Variants in PALLD observed in about 807,000 individuals in gnomAD.
PALLD encodes palladin.
Under a neutral mutation model 123.5 loss-of-function variants are expected in PALLD, and 61 were observed. The observed-to-expected ratio is 0.49, with a 90% CI of 0.40 to 0.61. The LOEUF is 0.61. Ranked by LOEUF, PALLD falls within the 20% of genes least tolerant of loss-of-function variation. The pLI is 0.00. For missense variants in PALLD, 1,273 were observed against 1,377.0 expected (o/e 0.92, Z 1.20); for synonymous variants, 465 against 496.4 (o/e 0.94, Z 0.84).
At chr4:168,744,068 T>C (rs7662403) in intron 10 of PALLD, among the ~76,000 whole-genome samples, 85,692 of 151,892 alleles carry the variant, frequency 0.56, 24,606 homozygotes, top group African/African-American at 0.67. Flanking sequence ...AAACAGATGC[T>C]AGAAGCCAGT....
intron 10 of PALLD, among the ~76,000 whole-genome samples, chr4:168,841,325 T>A (rs1167992586): frequency 1.3e-5 from 2 of 152,180 alleles, no homozygotes; most frequent in Non-Finnish European, 2.9e-5. Flanking sequence ...ACTGCAGAAT[T>A]TTCCAAAAGC....
intron 18 of PALLD, among the ~76,000 whole-genome samples, chr4:168,923,436 CA>C (rs1182648433): frequency 6.6e-6 from 1 of 152,120 alleles, no homozygotes; most frequent in Non-Finnish European, 1.5e-5. Flanking sequence ...GTTGGTAGTT[CA>C]AAAGAAAATA....
intron 18 of PALLD, 143 bp downstream of exon 18, chr4:168,921,884 G>C: frequency 1.4e-6 from 1 of 740,270 alleles, no homozygotes; most frequent in Non-Finnish European, 2.4e-6. Context: ...ATGAGGACAT[G>C]GTTATAAGGC....
chr4:168,914,812 G>A (rs1759770781), intron 16 of PALLD, among the ~76,000 whole-genome samples: 1 of 152,176 alleles, frequency 6.6e-6, no homozygotes, highest in Non-Finnish European at 1.5e-5. Flanking sequence ...GAGTAGGCAG[G>A]AAAACTGAGT....
At chr4:168,618,855 C>T (rs1325038430) in intron 2 of PALLD, among the ~76,000 whole-genome samples, 1 of 152,198 alleles carries the variant, frequency 6.6e-6, no homozygotes, top group African/African-American at 2.4e-5. Flanking sequence ...ACTGGCGTCA[C>T]CGATTAGGTC....
At chr4:168,655,559 G>A (rs1351513255) in intron 2 of PALLD, among the ~76,000 whole-genome samples, 1 of 152,170 alleles carries the variant, frequency 6.6e-6, no homozygotes, top group African/African-American at 2.4e-5. Context: ...CTCTGTGGAG[G>A]GAGCCTCAAC....
intron 2 of PALLD, among the ~76,000 whole-genome samples, chr4:168,554,074 G>C (rs1767023130): frequency 6.6e-6 from 1 of 152,188 alleles, no homozygotes; most frequent in African/African-American, 2.4e-5. Flanking sequence ...CTGGCACACA[G>C]GGAACTATCA....
In PALLD at chr4:168,511,595, T is replaced by G; in HGVS notation, c.91T>G (p.Ser31Ala). The stretch of plus-strand genomic sequence containing the variant: ...GAATACTGACTTCTTCCCGGGCCTT[T>G]CTGCTTTCCTCAGCCAGGAAGAGAT... ...SKNTDFFPGL[S>A]AFLSQEEINK... is the part of the protein sequence containing the mutation. Residue 31 changes from serine (S) to alanine (A), a missense_variant, in exon 2 of 22, where the codon TCT (serine) becomes GCT (alanine). By Grantham distance (99) the Ser-to-Ala change is moderately conservative. Coordinates refer to ENST00000505667, the MANE Select transcript of PALLD (RefSeq NM_001166108.2). The G allele has an allele frequency of 6.2e-7, 1 of 1,614,148 alleles. No homozygotes were observed. The highest frequency in any genetic ancestry group is 8.5e-7 in the Non-Finnish European group (1 of 1,179,986).
chr4:168,927,222 T>C lies in PALLD; in HGVS notation c.*1042T>C, dbSNP rs1427977768. On this transcript the variant is annotated 3_prime_UTR_variant, in exon 22 of 22. Coordinates refer to ENST00000505667, the MANE Select transcript of PALLD (RefSeq NM_001166108.2). ...GGTTTGGAAGGAGTAGGGAGGAGAA[T>C]GAAGGAAAATGCAACCAGCATGATT... 1 of 230,916 alleles carries C rather than the reference T, an allele frequency of 4.3e-6. No homozygotes were observed. Among genetic ancestry groups the C allele is most frequent in the African/African-American group, 2.2e-5 (1 of 45,140 alleles). The allele number at this position is 230,916 out of a possible 1,614,324, so 14.3% of individuals were successfully genotyped here.
intron 10 of PALLD, among the ~76,000 whole-genome samples, chr4:168,757,685 C>T (rs559675149): frequency 2.0e-5 from 3 of 152,340 alleles, no homozygotes; most frequent in African/African-American, 4.8e-5. Context: ...GCTGCTGTAG[C>T]TGGGCGGCAT....
chr4:168,636,792 A>G (rs954005700), intron 2 of PALLD, among the ~76,000 whole-genome samples: 2 of 152,182 alleles, frequency 1.3e-5, no homozygotes, highest in South Asian at 2.1e-4. Context: ...AAAGGGCCCC[A>G]GAGAGTGTCC....
intron 10 of PALLD, among the ~76,000 whole-genome samples, chr4:168,880,241 C>T (rs1357193166): frequency 1.3e-5 from 2 of 152,176 alleles, no homozygotes; most frequent in Non-Finnish European, 2.9e-5. Context: ...CACAGTGACT[C>T]ATTTTATGGA....
chr4:168,835,606 T>TA (rs1305949379), intron 10 of PALLD, among the ~76,000 whole-genome samples: 2 of 150,284 alleles, frequency 1.3e-5, no homozygotes, highest in African/African-American at 2.4e-5. Flanking sequence ...GGATTTTTTT[T>TA]AAAAAACAGG....
intron 10 of PALLD, among the ~76,000 whole-genome samples, chr4:168,873,034 T>C (rs916924467): frequency 6.6e-5 from 10 of 152,232 alleles, no homozygotes; most frequent in Admixed American, 4.6e-4. Flanking sequence ...TGGAAACACC[T>C]AGCAGCTTAC....
chr4:168,900,553 T>G (rs771183754), intron 14 of PALLD, among the ~76,000 whole-genome samples: 20 of 152,318 alleles, frequency 1.3e-4, no homozygotes, highest in Middle Eastern at 3.4e-3. Flanking sequence ...CCTGACACTT[T>G]TAGGTGTTAA....
intron 8 of PALLD, among the ~76,000 whole-genome samples, chr4:168,698,672 C>T (rs1783391065): frequency 1.3e-5 from 2 of 152,032 alleles, no homozygotes; most frequent in Non-Finnish European, 2.9e-5. Context: ...CCACTGAGTG[C>T]CCCGTGGGGC....
chr4:168,724,494 T>A (rs1786348585), intron 10 of PALLD, among the ~76,000 whole-genome samples: 1 of 152,216 alleles, frequency 6.6e-6, no homozygotes, highest in Non-Finnish European at 1.5e-5. Context: ...CTGACTAAAG[T>A]GATGATTACA....
intron 2 of PALLD, among the ~76,000 whole-genome samples, chr4:168,585,578 A>G (rs1264598732): frequency 7.6e-6 from 1 of 130,758 alleles, no homozygotes; most frequent in Non-Finnish European, 1.6e-5. Context: ...ATAGAAGAGA[A>G]AACAGAGGGG....
intron 1 of PALLD, among the ~76,000 whole-genome samples, chr4:168,506,349 T>C (rs1333131407): frequency 6.7e-6 from 1 of 148,630 alleles, no homozygotes; most frequent in South Asian, 2.1e-4. Flanking sequence ...CTATTACAAA[T>C]TTTGCAGAGA....
Sources: gnomAD v4.1 joint callset for allele counts (sites outside exome capture counted in the v4.1 genomes callset) on GRCh38, gnomAD v4.1.1 for gene constraint, MANE v1.5 for transcripts, NCBI Gene and HGNC (gene_info 2026-07-23, HGNC 2026-07-21) for gene names.